Variants in PDE4D observed in about 807,000 individuals in gnomAD.
The protein encoded by PDE4D is phosphodiesterase 4D.
A neutral mutation model predicts 87.4 loss-of-function variants in PDE4D; 24 were observed. The observed-to-expected ratio is 0.27, with a 90% CI of 0.20 to 0.39. The LOEUF is 0.39. PDE4D is among the 10% of genes least tolerant of loss of function. The pLI, the probability that PDE4D is intolerant of heterozygous loss-of-function variation, is 1.00. For synonymous variants in PDE4D, 384 were observed against 383.2 expected, an observed-to-expected ratio of 1.00 and a Z score of -0.02; for missense variants, 714 against 1,041.0, an observed-to-expected ratio of 0.69 and a Z score of 4.32.
intron 3 of PDE4D, among the ~76,000 whole-genome samples, chr5:59,909,894 G>C (rs938797018): frequency 1.3e-5 from 2 of 152,060 alleles, no homozygotes; most frequent in Non-Finnish European, 2.9e-5. Context: ...ACATAAAATG[G>C]TCAGAAACTA....
At chr5:59,886,659 G>A (rs1267673546) in intron 1 of PDE4D, among the ~76,000 whole-genome samples, 1 of 152,076 alleles carries the variant, frequency 6.6e-6, no homozygotes, top group Admixed American at 6.6e-5. Flanking sequence ...GCAGAGCATA[G>A]GGAAAGCAAT....
chr5:59,174,167 C>A lies in PDE4D; in HGVS notation c.808+6428G>T, dbSNP rs986684209. On this transcript the variant is annotated intron_variant, in intron 5 of 14. Coordinates refer to ENST00000340635, the MANE Select transcript of PDE4D (RefSeq NM_001104631.2). ...CTTAGAAACTGCTTGTGCTTTAGAA[C>A]AACAAACATATAAGATTAAATTTCT... Among the ~76,000 whole-genome samples, 3 of 152,134 alleles carry A rather than the reference C, an allele frequency of 2.0e-5. No homozygotes were observed. In the East Asian group the frequency reaches 5.8e-4, roughly 29 times the overall value.
chr5:60,364,934 C>T (rs1195473291), intron 1 of PDE4D, among the ~76,000 whole-genome samples: 1 of 152,134 alleles, frequency 6.6e-6, no homozygotes, highest in African/African-American at 2.4e-5. Flanking sequence ...CCATGAAGAA[C>T]CACATTTTAA....
At chr5:60,370,226 C>T (rs1054456308) in intron 1 of PDE4D, among the ~76,000 whole-genome samples, 1 of 152,108 alleles carries the variant, frequency 6.6e-6, no homozygotes, top group Non-Finnish European at 1.5e-5. Context: ...CCAGTTTGCC[C>T]AAGTAGTGCT....
At chr5:59,933,523 A>G (rs1461819466) in intron 3 of PDE4D, among the ~76,000 whole-genome samples, 7 of 152,200 alleles carry the variant, frequency 4.6e-5, no homozygotes, top group Non-Finnish European at 1.5e-5. Flanking sequence ...ACTATGTGCC[A>G]AGACTCTAAC....
At chr5:59,828,183 A>C (rs763648428) in intron 1 of PDE4D, among the ~76,000 whole-genome samples, 6 of 152,040 alleles carry the variant, frequency 3.9e-5, no homozygotes, top group Admixed American at 3.3e-4. Flanking sequence ...AGCAATTTCA[A>C]AACCTAAGAG....
At chr5:59,401,647 GTTAT>G (rs1461622172) in intron 1 of PDE4D, among the ~76,000 whole-genome samples, 1 of 152,034 alleles carries the variant, frequency 6.6e-6, no homozygotes, top group Non-Finnish European at 1.5e-5. Context: ...TTCTCAGTGG[GTTAT>G]TTGTCTCTTT....
chr5:59,185,596 T>C (rs1245930922), intron 3 of PDE4D, among the ~76,000 whole-genome samples: 1 of 152,120 alleles, frequency 6.6e-6, no homozygotes, highest in African/African-American at 2.4e-5. Context: ...TCAAATAGTA[T>C]AATATAAAAT....
intron 3 of PDE4D, among the ~76,000 whole-genome samples, chr5:59,947,958 G>T (rs1478082910): frequency 6.6e-6 from 1 of 152,198 alleles, no homozygotes; most frequent in East Asian, 1.9e-4. Context: ...AGTGAGCTGA[G>T]ATGGTGCCAC....
At chr5:59,975,256 C>A (rs73761078) in intron 3 of PDE4D, among the ~76,000 whole-genome samples, 3 of 152,096 alleles carry the variant, frequency 2.0e-5, no homozygotes, top group African/African-American at 7.2e-5. Flanking sequence ...GGAGGCATCA[C>A]CTCATGCCCC....
chr5:59,519,632 G>GACATAGA, intron 1 of PDE4D, among the ~76,000 whole-genome samples: 1 of 152,220 alleles, frequency 6.6e-6, no homozygotes, highest in South Asian at 2.1e-4. Flanking sequence ...TCATGTAGAA[G>GACATAGA]TTTAACAGAC....
intron 11 of PDE4D, among the ~76,000 whole-genome samples, chr5:58,978,819 T>C (rs1744435006): frequency 6.6e-6 from 1 of 152,194 alleles, no homozygotes; most frequent in Admixed American, 6.5e-5. Context: ...ACTTTTATAG[T>C]GTCTATAAAT....
chr5:59,607,988 A>C (rs1009078967), intron 1 of PDE4D, among the ~76,000 whole-genome samples: 7 of 152,206 alleles, frequency 4.6e-5, no homozygotes, highest in Middle Eastern at 6.8e-3. Flanking sequence ...TTTCTGTAAG[A>C]ACAATTAATG....
chr5:59,994,648 T>C (rs975320281), intron 2 of PDE4D, among the ~76,000 whole-genome samples: 2 of 152,248 alleles, frequency 1.3e-5, no homozygotes, highest in African/African-American at 2.4e-5. Context: ...GTGTTGAAGA[T>C]GGTAGAGTCA....
intron 1 of PDE4D, among the ~76,000 whole-genome samples, chr5:60,318,390 G>A (rs1381904521): frequency 6.6e-6 from 1 of 152,122 alleles, no homozygotes; most frequent in Non-Finnish European, 1.5e-5. Flanking sequence ...CTGCACGTGA[G>A]ATGGGTTTCC....
intron 1 of PDE4D, among the ~76,000 whole-genome samples, chr5:60,384,669 C>T (rs1762083942): frequency 6.6e-6 from 1 of 152,116 alleles, no homozygotes; most frequent in Non-Finnish European, 1.5e-5. Context: ...AAGGTTGGTA[C>T]TCCCAGAAGT....
At chr5:60,107,036 C>CA (rs1355452381) in intron 2 of PDE4D, among the ~76,000 whole-genome samples, 3 of 151,830 alleles carry the variant, frequency 2.0e-5, no homozygotes, top group East Asian at 1.9e-4. Flanking sequence ...AATAGAGACA[C>CA]AAAAAACCCT....
At chr5:59,241,265 T>C (rs1352632768) in intron 1 of PDE4D, among the ~76,000 whole-genome samples, 1 of 152,206 alleles carries the variant, frequency 6.6e-6, no homozygotes, top group Non-Finnish European at 1.5e-5. Flanking sequence ...CTACCCTGCC[T>C]GGCCCTGAGC....
At chr5:59,013,544 G>A (rs1425185421) in intron 6 of PDE4D, among the ~76,000 whole-genome samples, 2 of 152,122 alleles carry the variant, frequency 1.3e-5, no homozygotes, top group Non-Finnish European at 2.9e-5. Context: ...AGAAAATCTA[G>A]AAGAAATGGA....
Sources: gnomAD v4.1 joint callset for allele counts (sites outside exome capture counted in the v4.1 genomes callset) on GRCh38, gnomAD v4.1.1 for gene constraint, MANE v1.5 for transcripts, NCBI Gene and HGNC (gene_info 2026-07-23, HGNC 2026-07-21) for gene names.